The following SFMBT2 variants were observed in gnomAD, a reference collection of about 807,000 sequenced individuals.
SFMBT2 encodes Scm like with four mbt domains 2, also known as scm-like with four MBT domains protein 2.
Under a neutral mutation model 110.1 loss-of-function variants are expected in SFMBT2, and 38 were observed. The observed-to-expected ratio is 0.35, with a 90% CI of 0.27 to 0.45. The LOEUF (loss-of-function observed/expected upper bound fraction) is 0.45, where lower values mean the gene tolerates loss of function less well. Ranked by LOEUF, SFMBT2 falls within the 20% of genes least tolerant of loss-of-function variation. The probability of loss-of-function intolerance (pLI) is 1.00; values close to 1 mark genes in which losing one functional copy is unlikely to be tolerated. For synonymous variants in SFMBT2, 425 were observed against 425.4 expected, an observed-to-expected ratio of 1.00 and a Z score of 0.01; for missense variants, 1,011 against 1,094.9, an observed-to-expected ratio of 0.92 and a Z score of 1.08.
intron 11 of SFMBT2, chr10:7,206,739 A>G (rs1039827739): frequency 1.4e-6 from 1 of 721,798 alleles, no homozygotes; most frequent in African/African-American, 1.9e-5. Context: ...AAAAGTTTCA[A>G]GGAGCTCTGG....
At chr10:7,204,833 A>G in intron 12 of SFMBT2, 2 of 539,780 alleles carry the variant, frequency 3.7e-6, no homozygotes, top group Non-Finnish European at 4.7e-6. Flanking sequence ...AGATAGCGCC[A>G]TTGCACTCCA....
intron 7 of SFMBT2, among the ~76,000 whole-genome samples, chr10:7,257,922 T>C (rs1250519925): frequency 6.6e-6 from 1 of 152,178 alleles, no homozygotes; most frequent in Non-Finnish European, 1.5e-5. Context: ...AGTGAAATCA[T>C]CCTTATGCAG....
At chr10:7,321,817 C>T (rs897575487) in intron 4 of SFMBT2, among the ~76,000 whole-genome samples, 3 of 152,180 alleles carry the variant, frequency 2.0e-5, no homozygotes, top group East Asian at 3.9e-4. Context: ...TGAGTCCATC[C>T]ATTAAAATAT....
intron 4 of SFMBT2, among the ~76,000 whole-genome samples, chr10:7,356,356 T>C (rs1199231213): frequency 6.6e-6 from 1 of 152,138 alleles, no homozygotes; most frequent in East Asian, 1.9e-4. Context: ...TCAAAGGAGT[T>C]CAAGGCAACC....
chr10:7,199,553 G>A (rs754594506), intron 14 of SFMBT2, among the ~76,000 whole-genome samples: 4 of 152,220 alleles, frequency 2.6e-5, no homozygotes, highest in African/African-American at 4.8e-5. Context: ...TATAGACTAT[G>A]AAAGGGTAGC....
chr10:7,252,929 G>A (rs1840860138), intron 7 of SFMBT2, among the ~76,000 whole-genome samples: 1 of 152,166 alleles, frequency 6.6e-6, no homozygotes. Flanking sequence ...AGGGTTGTAA[G>A]TTCTTTTCCA....
At position 7,265,237 on chromosome 10, in the gene SFMBT2, T is replaced by C. The variant is rs1019166123; in HGVS notation, c.870+11655A>G. Among the ~76,000 whole-genome samples the C allele has an allele frequency of 7.6e-5, 11 of 144,742 alleles. No homozygotes were observed. The East Asian group carries it at 1.4e-3, about 19-fold the overall frequency. The allele number at this position is 144,742 out of a possible 152,430, so 95.0% of individuals were successfully genotyped here. The stretch of plus-strand genomic sequence containing the variant: ...CCTTCTCTGAGATGAAGTCTCGCTC[T>C]GTCTCCCAGACTGGAGTGCAGTGGC... On this transcript the variant is annotated intron_variant, in intron 7 of 20. Transcript: ENST00000397167.
chr10:7,304,870 C>T (rs1006913590), intron 4 of SFMBT2, among the ~76,000 whole-genome samples: 1 of 152,190 alleles, frequency 6.6e-6, no homozygotes, highest in African/African-American at 2.4e-5. Context: ...GGAGACAGCT[C>T]TCCATGTCAG....
intron 4 of SFMBT2, among the ~76,000 whole-genome samples, chr10:7,310,382 G>C (rs749983552): frequency 6.6e-6 from 1 of 152,220 alleles, no homozygotes; most frequent in Non-Finnish European, 1.5e-5. Flanking sequence ...GCCACGGTTA[G>C]TGCACCCCGT....
chr10:7,302,261 C>T (rs778262081), intron 4 of SFMBT2, among the ~76,000 whole-genome samples: 56 of 152,204 alleles, frequency 3.7e-4, no homozygotes, highest in Non-Finnish European at 6.3e-4. Flanking sequence ...AAGGCACCCT[C>T]CCTCTTCTCT....
Position 7,370,337 on chromosome 10 carries a change from C to T in SFMBT2, c.139G>A (p.Gly47Arg), listed in dbSNP as rs1845027353. The change falls in exon 3 of 21, where the codon GGA (glycine) becomes AGA (arginine). Residue 47 changes from glycine (G) to arginine (R), a missense_variant. This residue lies in a region of SFMBT2 where 979 missense variants were observed against 1,016.1 expected (regional missense o/e 0.96). Transcript: ENST00000397167. ...GCTCCTGTCTCTTCCAAATATTCTC[C>T]CCAGTTAAAGCCAGTTTCCTCCAAG... Reference protein sequence around the residue: ...SSLEETGFNWGEYLEETGASA... With the variant: ...SSLEETGFNWREYLEETGASA... 3 of 1,614,022 alleles carry T rather than the reference C, an allele frequency of 1.9e-6. No individual in the cohort carries two copies. The highest frequency in any genetic ancestry group is 1.7e-5 in the Admixed American group (1 of 60,006).
intron 4 of SFMBT2, among the ~76,000 whole-genome samples, chr10:7,335,619 AC>A (rs1344427689): frequency 2.6e-5 from 4 of 151,854 alleles, no homozygotes; most frequent in Admixed American, 1.3e-4. Context: ...ACACACACAC[AC>A]AACCATATAC....
At chr10:7,187,788 A>T (rs2692794) in intron 16 of SFMBT2, among the ~76,000 whole-genome samples, 17 of 152,020 alleles carry the variant, frequency 1.1e-4, no homozygotes, top group Admixed American at 8.5e-4. Flanking sequence ...TCTCTAAAGG[A>T]GGCTTAGATA....
chr10:7,373,990 G>T (rs146776387), intron 2 of SFMBT2, among the ~76,000 whole-genome samples: 1 of 152,098 alleles, frequency 6.6e-6, no homozygotes, highest in Non-Finnish European at 1.5e-5. Flanking sequence ...GAGGCTGGGC[G>T]CAGTGGCTCA....
At chr10:7,184,866 T>C (rs1019326459) in intron 16 of SFMBT2, among the ~76,000 whole-genome samples, 1 of 152,048 alleles carries the variant, frequency 6.6e-6, no homozygotes, top group Non-Finnish European at 1.5e-5. Context: ...CCTGCAGAAA[T>C]AGGGAAGCTT....
intron 2 of SFMBT2, among the ~76,000 whole-genome samples, chr10:7,374,999 C>A (rs1334311747): frequency 6.6e-6 from 1 of 152,090 alleles, no homozygotes; most frequent in Non-Finnish European, 1.5e-5. Context: ...CCTCTTAAAC[C>A]CATAAACATT....
chr10:7,188,725 G>T lies in SFMBT2; in HGVS notation c.1707C>A (p.Ser569Arg). The change falls in exon 16 of 21, where the codon AGC becomes AGA. Residue 569 changes from serine (S) to arginine (R), a missense_variant. By Grantham distance (110) the Ser-to-Arg change is moderately radical. This residue lies in a region of SFMBT2 where 979 missense variants were observed against 1,016.1 expected (regional missense o/e 0.96). Coordinates refer to ENST00000397167, the MANE Select transcript of SFMBT2 (RefSeq NM_001387889.1). The stretch of plus-strand genomic sequence containing the variant: ...GCTTGTAGGCTGCGTTGATTATCAT[G>T]CTAAGAACCTTTTGGGGAAAAAAAT... The part of the protein sequence containing the change: ...KCVLVLKEVL[S>R]MIINAAYKPG... The T allele has an allele frequency of 6.2e-7, 1 of 1,610,742 alleles. No individual in the cohort carries two copies. Among genetic ancestry groups the T allele is most frequent in the African/African-American group, 1.3e-5 (1 of 74,918 alleles).
At chr10:7,228,746 C>T (rs1405563671) in intron 9 of SFMBT2, among the ~76,000 whole-genome samples, 220 of 80,262 alleles carry the variant, frequency 2.7e-3, no homozygotes, top group Non-Finnish European at 3.4e-3. Context: ...CTTTCTCTCT[C>T]TCTCTCTCTC....
chr10:7,339,496 AT>A (rs1843824555), intron 4 of SFMBT2, among the ~76,000 whole-genome samples: 1 of 152,198 alleles, frequency 6.6e-6, no homozygotes, highest in Non-Finnish European at 1.5e-5. Context: ...TCGGAATAAA[AT>A]TTCTTTCATC....
Sources: gnomAD v4.1 joint callset for allele counts (sites outside exome capture counted in the v4.1 genomes callset) on GRCh38, gnomAD v4.1.1 for gene constraint, gnomAD v4.1.1 regional missense constraint, MANE v1.5 for transcripts, NCBI Gene and HGNC (gene_info 2026-07-23, HGNC 2026-07-21) for gene names.